Variants in PLXDC2 observed in about 807,000 individuals in gnomAD.
The protein encoded by PLXDC2 is plexin domain-containing protein 2.
A neutral mutation model predicts 68.9 loss-of-function variants in PLXDC2; 40 were observed. The observed-to-expected ratio is 0.58, with a 90% CI of 0.45 to 0.76. The LOEUF (loss-of-function observed/expected upper bound fraction) is 0.76, where lower values mean the gene tolerates loss of function less well. Ranked by LOEUF, PLXDC2 falls within the 30% of genes least tolerant of loss-of-function variation. The pLI is 0.00. For missense variants in PLXDC2, 644 were observed against 661.9 expected, an observed-to-expected ratio of 0.97 and a Z score of 0.30; for synonymous variants, 243 against 234.2, an observed-to-expected ratio of 1.04 and a Z score of -0.34.
intron 13 of PLXDC2, 116 bp downstream of exon 13, chr10:20,245,621 T>C: frequency 8.4e-7 from 1 of 1,187,984 alleles, no homozygotes; most frequent in South Asian, 1.6e-5. Flanking sequence ...AGTTCAAGCT[T>C]TCTGATTTCA....
intron 1 of PLXDC2, among the ~76,000 whole-genome samples, chr10:19,852,416 A>G (rs1460042060): frequency 8.6e-6 from 1 of 116,206 alleles, no homozygotes; most frequent in Admixed American, 1.1e-4. Flanking sequence ...ACAGAGCAAG[A>G]CCCTGTCTCA....
chr10:20,231,699 T>C (rs1490756711), intron 12 of PLXDC2, among the ~76,000 whole-genome samples: 2 of 152,026 alleles, frequency 1.3e-5, no homozygotes, highest in South Asian at 2.1e-4. Context: ...GATGGATTTT[T>C]TTAAAAATTA....
At chr10:20,237,847 C>G (rs546742422) in intron 12 of PLXDC2, among the ~76,000 whole-genome samples, 29 of 152,260 alleles carry the variant, frequency 1.9e-4, no homozygotes, top group African/African-American at 6.5e-4. Context: ...AATTTATGGG[C>G]TGCAGTGTTT....
rs35982443 is a variant in PLXDC2, at chr10:19,854,648, T to TA, written c.112+37465dup. ...TAATATTTTATTTGGCAAGCGAAGT[T>TA]AAAAAAAACCTCAGTTCCTGTCTTT... is the stretch of plus-strand genomic sequence containing the variant. On this transcript the variant is annotated intron_variant, in intron 1 of 13. Coordinates refer to ENST00000377252, the MANE Select transcript of PLXDC2 (RefSeq NM_032812.9). Among the ~76,000 whole-genome samples the TA allele has an allele frequency of 5.3e-5, 8 of 152,148 alleles. No individual in the cohort carries two copies. In the South Asian group the frequency reaches 8.3e-4, roughly 16 times the overall value.
intron 2 of PLXDC2, among the ~76,000 whole-genome samples, chr10:20,017,266 C>T (rs1475675340): frequency 6.6e-6 from 1 of 152,092 alleles, no homozygotes; most frequent in Admixed American, 6.5e-5. Context: ...GGGCAGGGGC[C>T]ACTGGGCAGC....
chr10:20,108,885 G>C (rs2460580), intron 4 of PLXDC2, among the ~76,000 whole-genome samples: 131,484 of 152,196 alleles, frequency 0.86, 56,913 homozygotes, highest in East Asian at 0.9. Flanking sequence ...TTTGCTAAGT[G>C]TCTTTAAATG....
intron 9 of PLXDC2, among the ~76,000 whole-genome samples, chr10:20,189,437 G>A (rs995778399): frequency 7.2e-5 from 9 of 124,754 alleles, no homozygotes; most frequent in East Asian, 2.6e-4. Context: ...TAAAACCATC[G>A]ATAAACAAAG....
chr10:20,260,333 G>T (rs1416147458), intron 13 of PLXDC2, among the ~76,000 whole-genome samples: 1 of 152,078 alleles, frequency 6.6e-6, no homozygotes, highest in Admixed American at 6.6e-5. Flanking sequence ...TGTACCTTTG[G>T]GTCTACTTTC....
chr10:19,921,554 C>G (rs184532058), intron 1 of PLXDC2, among the ~76,000 whole-genome samples: 2 of 152,208 alleles, frequency 1.3e-5, no homozygotes, highest in African/African-American at 4.8e-5. Context: ...TGCATCATTA[C>G]GTAACCAGAC....
At chr10:20,218,378 T>C (rs191505246) in intron 11 of PLXDC2, among the ~76,000 whole-genome samples, 194 of 152,314 alleles carry the variant, frequency 1.3e-3, no homozygotes, top group African/African-American at 3.0e-3. Flanking sequence ...TAAGGTGAAC[T>C]GGAATAAAGT....
intron 5 of PLXDC2, among the ~76,000 whole-genome samples, chr10:20,146,048 G>T (rs952072044): frequency 1.3e-5 from 2 of 152,208 alleles, no homozygotes; most frequent in African/African-American, 2.4e-5. Flanking sequence ...AAGGAAACGG[G>T]TTCATGCAGA....
At chr10:19,825,309 A>G (rs1043867862) in intron 1 of PLXDC2, among the ~76,000 whole-genome samples, 1 of 152,138 alleles carries the variant, frequency 6.6e-6, no homozygotes, top group Non-Finnish European at 1.5e-5. Context: ...TATGGAGAGA[A>G]TGTTAAGAGT....
chr10:19,837,484 G>A (rs545040177), intron 1 of PLXDC2, among the ~76,000 whole-genome samples: 2 of 151,660 alleles, frequency 1.3e-5, no homozygotes, highest in South Asian at 2.1e-4. Flanking sequence ...AAATAAATGA[G>A]TTGGAAAGAA....
At chr10:20,054,499 A>G (rs1835960644) in intron 3 of PLXDC2, among the ~76,000 whole-genome samples, 2 of 152,174 alleles carry the variant, frequency 1.3e-5, no homozygotes, top group South Asian at 4.1e-4. Flanking sequence ...AGATGGAAAG[A>G]TAGCTAGGTA....
chr10:20,008,367 C>T (rs530544119), intron 2 of PLXDC2, among the ~76,000 whole-genome samples: 54 of 152,106 alleles, frequency 3.6e-4, no homozygotes, highest in African/African-American at 1.3e-3. Context: ...CCAGCCAGGC[C>T]AACATAGTGA....
chr10:20,095,057 C>G (rs1424056943), intron 4 of PLXDC2, among the ~76,000 whole-genome samples: 1 of 152,092 alleles, frequency 6.6e-6, no homozygotes, highest in Non-Finnish European at 1.5e-5. Flanking sequence ...TTAAAAATAT[C>G]TGATAGTTGC....
intron 4 of PLXDC2, among the ~76,000 whole-genome samples, chr10:20,124,247 T>G (rs1452514447): frequency 1.3e-5 from 2 of 152,108 alleles, no homozygotes; most frequent in African/African-American, 2.4e-5. Flanking sequence ...GGTCCACGGA[T>G]AAAACGTGTC....
At chr10:20,137,483 T>C (rs1222881462) in intron 4 of PLXDC2, among the ~76,000 whole-genome samples, 2 of 152,236 alleles carry the variant, frequency 1.3e-5, no homozygotes, top group African/African-American at 4.8e-5. Flanking sequence ...TAGAGGAATA[T>C]AATATAAATC....
intron 3 of PLXDC2, among the ~76,000 whole-genome samples, chr10:20,058,825 A>C (rs1057058360): frequency 1.3e-5 from 2 of 152,196 alleles, no homozygotes; most frequent in Non-Finnish European, 2.9e-5. Context: ...TCTAGATTTC[A>C]GTTCTGTCAA....
Sources: gnomAD v4.1 joint callset for allele counts (sites outside exome capture counted in the v4.1 genomes callset) on GRCh38, gnomAD v4.1.1 for gene constraint, MANE v1.5 for transcripts, NCBI Gene and HGNC (gene_info 2026-07-23, HGNC 2026-07-21) for gene names.